The following DRC11L variants were observed in gnomAD, a reference collection of about 807,000 sequenced individuals.
DRC11L encodes dynein regulatory complex subunit 11 like, also known as dynein regulatory complex subunit like-11.
the DRC11L span, chr7:151,203,035 C>T: frequency 2.5e-6 from 1 of 399,762 alleles, no homozygotes; most frequent in Admixed American, 4.4e-5. Flanking sequence ...CCGGCCTTGC[C>T]TCGCCCGCTC....
chr7:151,203,516 T>G, the DRC11L span: 1 of 399,074 alleles, frequency 2.5e-6, no homozygotes, highest in Admixed American at 4.4e-5. Context: ...CAGGTCAGCC[T>G]TTGGAGCAAT....
the DRC11L span, chr7:151,192,696 A>AGGG: frequency 1.5e-4 from 60 of 399,188 alleles, no homozygotes; most frequent in African/African-American, 1.1e-3. Context: ...GCTTAGCCCC[A>AGGG]GCTCACGCTA....
the DRC11L span, chr7:151,193,407 C>A: frequency 4.5e-5 from 18 of 399,310 alleles, no homozygotes; most frequent in Non-Finnish European, 7.5e-5. Flanking sequence ...ACTGCCTTGA[C>A]CAGCATCTTC....
At chr7:151,200,308 A>G in the DRC11L span, 4 of 398,894 alleles carry the variant, frequency 1.0e-5, no homozygotes, top group Non-Finnish European at 1.8e-5. Flanking sequence ...CTGGAAGAAG[A>G]CTGCTCTGGG....
chr7:151,194,897 C>A, the DRC11L span, among the ~76,000 whole-genome samples: 562 of 152,318 alleles, frequency 3.7e-3, 5 homozygotes, highest in African/African-American at 0.013. Context: ...ACCAAAGGTC[C>A]ACCATTAGAA....
the DRC11L span, among the ~76,000 whole-genome samples, chr7:151,199,743 A>G: frequency 1.3e-5 from 2 of 152,156 alleles, no homozygotes; most frequent in Non-Finnish European, 2.9e-5. This position sits in a 1 kb window ranked among gnomAD's most constrained non-coding sequence, Gnocchi z 5.2. Flanking sequence ...TCCTTCTGGC[A>G]GCCAGGCCTC....
the DRC11L span, chr7:151,192,540 C>T: frequency 7.5e-6 from 3 of 398,406 alleles, no homozygotes; most frequent in African/African-American, 4.1e-5. Flanking sequence ...GCCCACCCCA[C>T]CCTCAGCCTC....
the DRC11L span, chr7:151,202,933 T>C: frequency 7.5e-6 from 3 of 399,742 alleles, no homozygotes; most frequent in Admixed American, 1.3e-4. Flanking sequence ...GACAGCTGCT[T>C]GGCCCTGACT....
the DRC11L span, chr7:151,193,117 C>A: frequency 1.5e-5 from 6 of 397,598 alleles, no homozygotes; most frequent in Non-Finnish European, 2.7e-5. Context: ...CATTCCCCCA[C>A]CACAGGGGCT....
the DRC11L span, among the ~76,000 whole-genome samples, chr7:151,202,488 G>T: frequency 1.3e-5 from 2 of 152,180 alleles, no homozygotes; most frequent in Admixed American, 6.5e-5. Flanking sequence ...TGAAAATAGA[G>T]ATGTAGATTA....
chr7:151,195,656 C>T, the DRC11L span: 2 of 399,596 alleles, frequency 5.0e-6, no homozygotes, highest in East Asian at 7.1e-5. Context: ...TCAGCTCATC[C>T]ACCTAGGGGA....
At chr7:151,198,667 G>A in the DRC11L span, 1 of 396,920 alleles carries the variant, frequency 2.5e-6, no homozygotes, top group East Asian at 3.6e-5. Context: ...GGGGACCTGG[G>A]GGTAGAGGAG....
the DRC11L span, chr7:151,203,149 C>T: frequency 7.5e-6 from 3 of 398,980 alleles, no homozygotes; most frequent in Non-Finnish European, 1.3e-5. Context: ...AGCTTGCATC[C>T]AGGGTGGGCC....
chr7:151,200,459 C>T, the DRC11L span: 32 of 399,162 alleles, frequency 8.0e-5, no homozygotes, highest in African/African-American at 2.3e-4. Context: ...CCACACCTGG[C>T]GGAGGGATGT....
the DRC11L span, among the ~76,000 whole-genome samples, chr7:151,192,051 G>T: frequency 1.3e-5 from 2 of 152,190 alleles, no homozygotes; most frequent in Non-Finnish European, 2.9e-5. Context: ...CTAGGCAAGG[G>T]TCATCCTCCC....
the DRC11L span, chr7:151,197,232 TTTC>T: frequency 5.0e-6 from 2 of 399,648 alleles, no homozygotes; most frequent in East Asian, 3.6e-5. Flanking sequence ...CTTCCTTTCC[TTTC>T]TTCTTCTCTT....
chr7:151,196,853 C>T, the DRC11L span: 1 of 398,492 alleles, frequency 2.5e-6, no homozygotes, highest in Non-Finnish European at 4.4e-6. Context: ...TGGTGTTGTC[C>T]CCTTTGCCTA....
chr7:151,194,006 C>T, the DRC11L span, among the ~76,000 whole-genome samples: 1 of 151,854 alleles, frequency 6.6e-6, no homozygotes, highest in African/African-American at 2.4e-5. Context: ...AGAACAGACC[C>T]TGGGTTGTCC....
chr7:151,204,441 G>A, the DRC11L span: 1 of 311,596 alleles, frequency 3.2e-6, no homozygotes, highest in Non-Finnish European at 5.8e-6. Flanking sequence ...GGTCAAGGCC[G>A]GTCCCACCCC....
Sources: allele counts gnomAD v4.1 joint callset (sites outside exome capture counted in the v4.1 genomes callset), GRCh38; gene constraint gnomAD v4.1.1; non-coding constraint Gnocchi (gnomAD v3.1); transcripts MANE v1.5; gene names NCBI Gene and HGNC (gene_info 2026-07-23, HGNC 2026-07-21).